MTHFD2L: variants seen among roughly 807,000 people sequenced by gnomAD.
MTHFD2L encodes methylenetetrahydrofolate dehydrogenase (NADP+ dependent) 2 like, also known as bifunctional methylenetetrahydrofolate dehydrogenase/cyclohydrolase 2, mitochondrial.
In MTHFD2L, 29 loss-of-function variants were observed where a neutral mutation model predicts 34.9. That is an observed-to-expected ratio of 0.83 (90% CI 0.62 to 1.13). The LOEUF (loss-of-function observed/expected upper bound fraction) is 1.13, where lower values mean the gene tolerates loss of function less well. Ranked by LOEUF, MTHFD2L falls within the 50% of genes most tolerant of loss-of-function variation. MTHFD2L has a pLI of 0.00. For synonymous variants in MTHFD2L, 167 were observed against 155.7 expected (o/e 1.07, Z -0.54); for missense variants, 481 against 446.5 (o/e 1.08, Z -0.70).
rs79319078 is a variant in MTHFD2L, at chr4:74,219,426, A to G, written c.713-5876A>G. On this transcript the variant is annotated intron_variant, in intron 5 of 7. Coordinates refer to ENST00000325278, the MANE Select transcript of MTHFD2L (RefSeq NM_001144978.3). ...CATCTGAAGGTCAGAGATATGCATCACTCTTGAGTACCTGCTGCGACTTGC... is the reference window on the plus strand; with the variant it reads ...CATCTGAAGGTCAGAGATATGCATCGCTCTTGAGTACCTGCTGCGACTTGC... 2.0e-5 allele frequency among the ~76,000 whole-genome samples: 3 copies of G among 152,156 alleles called. No homozygotes were observed. The East Asian group carries it at 5.8e-4, about 29-fold the overall frequency.
At chr4:74,158,773 A>G (rs1016913642) in intron 1 of MTHFD2L, among the ~76,000 whole-genome samples, 13 of 152,140 alleles carry the variant, frequency 8.5e-5, no homozygotes, top group East Asian at 5.8e-4. Context: ...ATCAATCCAG[A>G]TTTCTCAGTC....
At chr4:74,277,240 C>A (rs947058734) in intron 6 of MTHFD2L, among the ~76,000 whole-genome samples, 24 of 151,000 alleles carry the variant, frequency 1.6e-4, no homozygotes, top group African/African-American at 5.1e-4. Flanking sequence ...GCTCAGGAAA[C>A]TGCTGAGGGC....
chr4:74,223,420 G>A (rs1163594518), intron 5 of MTHFD2L, among the ~76,000 whole-genome samples: 2 of 151,886 alleles, frequency 1.3e-5, no homozygotes, highest in Admixed American at 6.6e-5. Flanking sequence ...AAATGATGAG[G>A]GCAAATGGAC....
chr4:74,163,507 A>T (rs1485783299), intron 1 of MTHFD2L, among the ~76,000 whole-genome samples: 1 of 152,232 alleles, frequency 6.6e-6, no homozygotes, highest in African/African-American at 2.4e-5. Flanking sequence ...TACGAAGAAG[A>T]GTCATATATA....
At chr4:74,224,847 T>C (rs182730142) in intron 5 of MTHFD2L, among the ~76,000 whole-genome samples, 8 of 152,254 alleles carry the variant, frequency 5.3e-5, no homozygotes, top group African/African-American at 1.9e-4. Context: ...ATTTCCTCCT[T>C]TAGGAATCCC....
At chr4:74,292,281 T>C (rs147144190) in intron 7 of MTHFD2L, among the ~76,000 whole-genome samples, 18 of 152,364 alleles carry the variant, frequency 1.2e-4, no homozygotes, top group East Asian at 1.9e-4. Flanking sequence ...TCTACCTTTA[T>C]AGAGCAGAGT....
At chr4:74,210,631 C>T (rs1177251183) in intron 5 of MTHFD2L, among the ~76,000 whole-genome samples, 1 of 152,108 alleles carries the variant, frequency 6.6e-6, no homozygotes, top group African/African-American at 2.4e-5. Context: ...AGCATGATGC[C>T]TCTAGCTTTG....
intron 5 of MTHFD2L, among the ~76,000 whole-genome samples, chr4:74,222,726 G>A (rs906240534): frequency 3.3e-5 from 5 of 151,992 alleles, no homozygotes; most frequent in Non-Finnish European, 7.4e-5. Context: ...CTTTTAGCAT[G>A]TTCCTTAGGA....
intron 1 of MTHFD2L, among the ~76,000 whole-genome samples, chr4:74,164,234 A>G (rs187358538): frequency 3.3e-5 from 5 of 152,306 alleles, no homozygotes; most frequent in African/African-American, 1.2e-4. Flanking sequence ...TGAAGTCGTG[A>G]ATAAAGATGA....
intron 1 of MTHFD2L, among the ~76,000 whole-genome samples, chr4:74,134,667 T>C (rs191371691): frequency 6.6e-6 from 1 of 152,284 alleles, no homozygotes; most frequent in East Asian, 1.9e-4. Flanking sequence ...TTGTGAACTC[T>C]CTGACCAAGA....
intron 5 of MTHFD2L, among the ~76,000 whole-genome samples, chr4:74,223,242 A>G (rs1055436185): frequency 6.6e-6 from 1 of 151,950 alleles, no homozygotes; most frequent in African/African-American, 2.4e-5. Flanking sequence ...ATACACACAC[A>G]CTACATACAC....
chr4:74,135,930 C>T (rs145657897), intron 1 of MTHFD2L, among the ~76,000 whole-genome samples: 1,685 of 152,058 alleles, frequency 0.011, 23 homozygotes, highest in African/African-American at 0.026. Context: ...ATTCAACATT[C>T]CTTTATGATA....
chr4:74,241,680 A>G (rs1246578), intron 6 of MTHFD2L: 74,767 of 311,488 alleles, frequency 0.24, 9,028 homozygotes, highest in Admixed American at 0.32. Context: ...ACCCGGCACT[A>G]TATAAGTATT....
At chr4:74,168,141 G>A (rs1033293381) in intron 1 of MTHFD2L, among the ~76,000 whole-genome samples, 4 of 152,106 alleles carry the variant, frequency 2.6e-5, no homozygotes, top group Non-Finnish European at 2.9e-5. Flanking sequence ...TGAAAGTCAC[G>A]TCAAAATCTC....
intron 2 of MTHFD2L, among the ~76,000 whole-genome samples, chr4:74,174,971 A>G (rs1221959713): frequency 6.6e-6 from 1 of 152,188 alleles, no homozygotes; most frequent in Non-Finnish European, 1.5e-5. Context: ...TAATCAAATA[A>G]TAAACCTGGC....
intron 6 of MTHFD2L, among the ~76,000 whole-genome samples, chr4:74,247,185 G>T (rs1432983709): frequency 6.6e-6 from 1 of 151,432 alleles, no homozygotes; most frequent in Non-Finnish European, 1.5e-5. Context: ...TCCTTGAAGG[G>T]GTCCTTCATG....
chr4:74,125,856 A>G (rs1259104411), intron 1 of MTHFD2L, among the ~76,000 whole-genome samples: 1 of 152,194 alleles, frequency 6.6e-6, no homozygotes, highest in Non-Finnish European at 1.5e-5. Flanking sequence ...TGAATAAGAA[A>G]AAATTAAAGA....
At chr4:74,127,054 C>A (rs1320883664) in intron 1 of MTHFD2L, among the ~76,000 whole-genome samples, 2 of 152,132 alleles carry the variant, frequency 1.3e-5, no homozygotes, top group Non-Finnish European at 2.9e-5. Flanking sequence ...CTCTGTCCTG[C>A]CGCTCCGTGA....
At chr4:74,152,249 T>C (rs1038555106) in intron 1 of MTHFD2L, among the ~76,000 whole-genome samples, 3 of 152,106 alleles carry the variant, frequency 2.0e-5, no homozygotes, top group Admixed American at 6.5e-5. Flanking sequence ...TTTGGAAAGA[T>C]TTTTAGTATG....
Sources: allele counts gnomAD v4.1 joint callset (sites outside exome capture counted in the v4.1 genomes callset), GRCh38; gene constraint gnomAD v4.1.1; transcripts MANE v1.5; gene names NCBI Gene and HGNC (gene_info 2026-07-23, HGNC 2026-07-21).